The following AGBL4 variants were observed in gnomAD, a reference collection of about 807,000 sequenced individuals.
The protein encoded by AGBL4 is AGBL carboxypeptidase 4.
Under a neutral mutation model 66.4 loss-of-function variants are expected in AGBL4, and 58 were observed. That is an observed-to-expected ratio of 0.87 (90% confidence interval 0.71 to 1.09). AGBL4 has a LOEUF of 1.09. Ranked by LOEUF, AGBL4 falls within the 50% of genes least tolerant of loss-of-function variation. The pLI, the probability that AGBL4 is intolerant of heterozygous loss-of-function variation, is 0.00. For missense variants in AGBL4, 579 were observed against 631.0 expected, an observed-to-expected ratio of 0.92 and a Z score of 0.88; for synonymous variants, 234 against 222.9, an observed-to-expected ratio of 1.05 and a Z score of -0.44.
chr1:49,939,547 C>T (rs1654509917), intron 1 of AGBL4, among the ~76,000 whole-genome samples: 2 of 151,566 alleles, frequency 1.3e-5, no homozygotes, highest in Non-Finnish European at 3.0e-5. Context: ...GAAATAATGC[C>T]GCATATCTAC....
At chr1:49,437,905 T>C (rs1485687172) in intron 3 of AGBL4, among the ~76,000 whole-genome samples, 1 of 152,174 alleles carries the variant, frequency 6.6e-6, no homozygotes, top group Admixed American at 6.5e-5. Context: ...CAGTATATCT[T>C]ATATTTACTT....
intron 1 of AGBL4, among the ~76,000 whole-genome samples, chr1:49,992,097 C>T (rs912201051): frequency 6.6e-6 from 1 of 152,140 alleles, no homozygotes; most frequent in South Asian, 2.1e-4. Flanking sequence ...TTGGGCCAGG[C>T]GCAGTGGCTC....
At chr1:49,051,525 C>A (rs534115420) in intron 4 of AGBL4, among the ~76,000 whole-genome samples, 1 of 152,128 alleles carries the variant, frequency 6.6e-6, no homozygotes, top group Non-Finnish European at 1.5e-5. Context: ...CTTTTCCCTT[C>A]GTGAGGGCAG....
At position 48,607,055 on chromosome 1, in the gene AGBL4, G is replaced by A. The variant is rs1263017387; in HGVS notation, c.952-16070C>T. Among the ~76,000 whole-genome samples the A allele has an allele frequency of 3.2e-4, 48 of 152,106 alleles. 1 individual carries two copies. The highest frequency in any genetic ancestry group is 3.1e-3 in the Admixed American group (48 of 15,276). The stretch of plus-strand genomic sequence containing the variant: ...CACTCATGTCACCAAGCTGACATGG[G>A]TTAAATGAGCTAGTGCATGTCCAAG... On this transcript the variant is annotated intron_variant, in intron 9 of 13. Coordinates refer to ENST00000371839, the MANE Select transcript of AGBL4 (RefSeq NM_032785.4).
At chr1:48,958,802 C>T (rs763041523) in intron 5 of AGBL4, among the ~76,000 whole-genome samples, 8 of 152,230 alleles carry the variant, frequency 5.3e-5, no homozygotes, top group Non-Finnish European at 7.3e-5. Context: ...GAGCCCCATG[C>T]TTTATGCTTG....
chr1:49,165,442 G>A (rs142107507), intron 4 of AGBL4, among the ~76,000 whole-genome samples: 237 of 152,192 alleles, frequency 1.6e-3, no homozygotes, highest in African/African-American at 5.2e-3. Context: ...GTGATATGTG[G>A]CTTGTGGCTA....
intron 3 of AGBL4, among the ~76,000 whole-genome samples, chr1:49,448,488 C>G (rs1646207967): frequency 6.6e-6 from 1 of 152,146 alleles, no homozygotes; most frequent in South Asian, 2.1e-4. Flanking sequence ...ATTGCTCTAG[C>G]ATGGATAACT....
chr1:49,599,211 C>G (rs921845284), intron 3 of AGBL4, among the ~76,000 whole-genome samples: 2 of 152,086 alleles, frequency 1.3e-5, no homozygotes, highest in Non-Finnish European at 2.9e-5. Context: ...TGTTAGAATT[C>G]GGCTGTGAAT....
At chr1:49,993,085 T>A (rs1012627443) in intron 1 of AGBL4, among the ~76,000 whole-genome samples, 9 of 152,236 alleles carry the variant, frequency 5.9e-5, no homozygotes, top group Non-Finnish European at 1.3e-4. Flanking sequence ...AGTGAAATGT[T>A]ATAGAATTCC....
intron 6 of AGBL4, among the ~76,000 whole-genome samples, chr1:48,847,579 C>T (rs549610843): frequency 2.2e-4 from 34 of 152,204 alleles, no homozygotes; most frequent in African/African-American, 7.5e-4. Flanking sequence ...GACAATAAAA[C>T]GTATAGTACC....
intron 3 of AGBL4, among the ~76,000 whole-genome samples, chr1:49,329,086 C>G (rs1645279011): frequency 6.6e-6 from 1 of 151,730 alleles, no homozygotes; most frequent in Non-Finnish European, 1.5e-5. Flanking sequence ...GTGGGAGGAT[C>G]ACTTGAGGTG....
intron 5 of AGBL4, among the ~76,000 whole-genome samples, chr1:49,042,279 T>A (rs944271746): frequency 1.3e-5 from 2 of 152,110 alleles, no homozygotes; most frequent in African/African-American, 4.8e-5. Context: ...TCTAATTTTC[T>A]GACTTTATAG....
chr1:48,870,942 A>G (rs1194014332), intron 5 of AGBL4, among the ~76,000 whole-genome samples: 3 of 152,214 alleles, frequency 2.0e-5, no homozygotes, highest in African/African-American at 7.2e-5. Flanking sequence ...TTAGCTAAGA[A>G]ACTGGAATAT....
intron 6 of AGBL4, among the ~76,000 whole-genome samples, chr1:48,712,504 GATA>G (rs1646984328): frequency 6.6e-6 from 1 of 152,130 alleles, no homozygotes; most frequent in Admixed American, 6.5e-5. Flanking sequence ...TAATAATAGT[GATA>G]ATAATAACAT....
chr1:48,945,691 G>A (rs182956940), intron 5 of AGBL4, among the ~76,000 whole-genome samples: 1 of 152,106 alleles, frequency 6.6e-6, no homozygotes, highest in Non-Finnish European at 1.5e-5. Context: ...AATCTGACTC[G>A]ACTCTGTATT....
intron 3 of AGBL4, among the ~76,000 whole-genome samples, chr1:49,638,115 G>A (rs1383550587): frequency 2.0e-5 from 3 of 152,122 alleles, no homozygotes; most frequent in African/African-American, 7.2e-5. Context: ...TTAAAAAGCA[G>A]AGTATGGACT....
At chr1:49,528,169 C>T (rs567732291) in intron 3 of AGBL4, among the ~76,000 whole-genome samples, 2 of 152,038 alleles carry the variant, frequency 1.3e-5, no homozygotes, top group Admixed American at 1.3e-4. Context: ...ACGGTCACCA[C>T]ATTCTGTCTT....
intron 6 of AGBL4, chr1:48,759,419 CT>C: frequency 5.8e-6 from 8 of 1,375,566 alleles, no homozygotes; most frequent in Non-Finnish European, 6.7e-6. Flanking sequence ...TGTGCAAACA[CT>C]TAGTCAAAGC....
chr1:49,124,231 A>C (rs1645720202), intron 4 of AGBL4, among the ~76,000 whole-genome samples: 1 of 152,192 alleles, frequency 6.6e-6, no homozygotes, highest in Admixed American at 6.5e-5. Context: ...CATGGAGAAA[A>C]ATTAATTAAA....
Sources: allele counts gnomAD v4.1 joint callset (sites outside exome capture counted in the v4.1 genomes callset), GRCh38; gene constraint gnomAD v4.1.1; transcripts MANE v1.5; gene names NCBI Gene and HGNC (gene_info 2026-07-23, HGNC 2026-07-21).